MYBBP1A: variants seen among roughly 807,000 people sequenced by gnomAD.
MYBBP1A encodes myb-binding protein 1A.
In MYBBP1A, 147 loss-of-function variants were observed where a neutral mutation model predicts 136.3. That is an observed-to-expected ratio of 1.08 (90% CI 0.94 to 1.24). The LOEUF (loss-of-function observed/expected upper bound fraction) is 1.24. Among genes scored for constraint, MYBBP1A ranks in the 50% most tolerant of loss-of-function variants. MYBBP1A has a pLI of 0.00. For synonymous variants in MYBBP1A, 947 were observed against 735.8 expected, an observed-to-expected ratio of 1.29 and a Z score of -4.65; for missense variants, 2,060 against 1,727.4, an observed-to-expected ratio of 1.19 and a Z score of -3.41.
Position 4,548,827 on chromosome 17 carries a change from G to A in MYBBP1A, c.1431-178C>T, listed in dbSNP as rs1227246797. ...GCTGGAGGGGGCTGGGCTGGGCTAG[G>A]ATGGGAAGGGGCCGTTTCTCTGCTC... On this transcript the variant is annotated intron_variant, in intron 10 of 25. Transcript: ENST00000254718. This position sits in a 1 kb window ranked among gnomAD's most constrained non-coding sequence, Gnocchi z 4.2. Among the ~76,000 whole-genome samples, 2 of 152,214 alleles carry A rather than the reference G, an allele frequency of 1.3e-5. No homozygotes were observed. The highest frequency in any genetic ancestry group is 2.9e-5 in the Non-Finnish European group (2 of 68,030).
Position 4,539,529 on chromosome 17 carries a change from T to C in MYBBP1A, c.3873A>G (p.Pro1291=), listed in dbSNP as rs1443710978. Reference sequence around the variant, plus strand: ...CCTTTTTCCGTGCCAGCGCGGACAGTGGTGATTTGCCCAAGACCCCCTTTT... The same window carrying C: ...CCTTTTTCCGTGCCAGCGCGGACAGCGGTGATTTGCCCAAGACCCCCTTTT... ...LPKKGVLGKS[P]LSALARKKAR... Residue 1291 remains proline (P), a synonymous_variant, in exon 26 of 26, where the codon CCA becomes CCG. Coordinates refer to ENST00000254718, the MANE Select transcript of MYBBP1A (RefSeq NM_014520.4). The C allele has an allele frequency of 6.2e-7, 1 of 1,614,032 alleles. No homozygotes were observed. The highest frequency in any genetic ancestry group is 1.3e-5 in the African/African-American group (1 of 74,968).
At chr17:4,549,304 GA>G in intron 10 of MYBBP1A, 27 bp downstream of exon 10, 1 of 1,599,404 alleles carries the variant, frequency 6.3e-7, no homozygotes, top group Non-Finnish European at 8.5e-7. Flanking sequence ...ACGCCCATGG[GA>G]AGCTGGGAAT....
At chr17:4,542,422 A>G in intron 22 of MYBBP1A, 42 bp downstream of exon 22, 1 of 1,568,236 alleles carries the variant, frequency 6.4e-7, no homozygotes, top group Non-Finnish European at 8.7e-7. Flanking sequence ...TAAGCGGGTT[A>G]ATTCAGACAG....
chr17:4,552,511 G>A lies in MYBBP1A; in HGVS notation c.677C>T (p.Pro226Leu), dbSNP rs565196840. ...TCCCACCAGCTTCTTGAGCTTGGAG[G>A]GCACCTTCTGCTGGGCCAGGAGGAA... ...ELFLLAQQKV[P>L]SKLKKLVGSV... is the part of the protein sequence containing the mutation. Residue 226 changes from proline to leucine, a missense_variant, in exon 6 of 26, where the codon CCC becomes CTC. Coordinates refer to ENST00000254718, the MANE Select transcript of MYBBP1A (RefSeq NM_014520.4). This position sits in a 1 kb window ranked among gnomAD's most constrained non-coding sequence, Gnocchi z 4.7. The A allele has an allele frequency of 2.0e-5, 32 of 1,613,918 alleles. No individual in the cohort carries two copies. The highest frequency in any genetic ancestry group is 2.3e-5 in the Non-Finnish European group (27 of 1,180,034).
At chr17:4,543,974 G>A (rs769567406) in intron 19 of MYBBP1A, among the ~76,000 whole-genome samples, 2 of 152,198 alleles carry the variant, frequency 1.3e-5, no homozygotes, top group South Asian at 2.1e-4. Flanking sequence ...GGGGTCTGTG[G>A]CCTCGCTGCT....
intron 19 of MYBBP1A, 130 bp from the exon 20 acceptor site, chr17:4,543,295 C>CG: frequency 7.6e-7 from 1 of 1,316,110 alleles, no homozygotes; most frequent in Non-Finnish European, 1.0e-6. Flanking sequence ...CGACCCAGGC[C>CG]ACAGAGGAGG....
intron 19 of MYBBP1A, chr17:4,543,405 G>A (rs190741149): frequency 5.4e-6 from 3 of 552,136 alleles, no homozygotes; most frequent in African/African-American, 1.9e-5. Context: ...CCTGAGTGGA[G>A]GCTGCACCAA....
At chr17:4,545,966 C>A (rs569877000) in intron 13 of MYBBP1A, 24 bp from the exon 14 acceptor site, 2 of 1,605,292 alleles carry the variant, frequency 1.2e-6, no homozygotes, top group Non-Finnish European at 1.7e-6. Flanking sequence ...AGGACACACA[C>A]TGGGGCCAGG....
At position 4,545,922 on chromosome 17, in the gene MYBBP1A, G is replaced by C; in HGVS notation, c.1845C>G (p.Asp615Glu). ...TGCAGGTCTGGATGTCACCCAGCAG[G>C]TCACAGCTCTCTGCAGGGGACTGCG... ...HLLKSPAESC[D>E]LLGDIQTCIR... Residue 615 changes from aspartate to glutamate, a missense_variant, in exon 14 of 26, where the codon GAC becomes GAG. Asp to Glu is a conservative substitution (Grantham distance 45, BLOSUM62 2). Transcript: ENST00000254718. 1 of 1,613,296 alleles carries C rather than the reference G, an allele frequency of 6.2e-7. No homozygotes were observed.
chr17:4,552,156 C>T lies in MYBBP1A; in HGVS notation c.874G>A (p.Gly292Arg). 1 of 1,614,228 alleles carries T rather than the reference C, an allele frequency of 6.2e-7. No homozygotes were observed. Among genetic ancestry groups the T allele is most frequent in the Non-Finnish European group, 8.5e-7 (1 of 1,180,026 alleles). ...PRFWKEVVEQ[G>R]LLKMQFWPAS... ...GGCCAGAACTGCATCTTCAGCAGCC[C>T]TTGTTCCACCACCTCCTTCCAGAAC... The change falls in exon 7 of 26, where the codon GGG becomes AGG. Residue 292 changes from glycine to arginine, a missense_variant. Transcript: ENST00000254718. The surrounding 1 kb of genome is among the most constrained non-coding windows in gnomAD (Gnocchi z 4.7).
In MYBBP1A at chr17:4,554,880, T is replaced by C. The variant is rs865822683; in HGVS notation, c.275A>G (p.Tyr92Cys). 3 of 1,613,538 alleles carry C rather than the reference T, an allele frequency of 1.9e-6. No individual in the cohort carries two copies. Among genetic ancestry groups the C allele is most frequent in the Non-Finnish European group, 1.7e-6 (2 of 1,180,008 alleles). The stretch of plus-strand genomic sequence containing the variant: ...CCTCACCTGTGCCAGGGCCAAACTG[T>C]AGCAGGGCCGGGCTGTTTCTCGCCC... ...GVGRETARPCYSLALAQLLQS... is the reference protein window; with the variant it reads ...GVGRETARPCCSLALAQLLQS... Residue 92 changes from tyrosine (Y) to cysteine (C), a missense_variant, in exon 2 of 26, where the codon TAC (tyrosine) becomes TGC (cysteine). Physicochemically the swap from Tyr to Cys is radical, Grantham distance 194 (BLOSUM62 -2). Transcript: ENST00000254718.
chr17:4,542,436 C>A, intron 22 of MYBBP1A, 28 bp downstream of exon 22: 1 of 1,591,198 alleles, frequency 6.3e-7, no homozygotes, highest in East Asian at 2.2e-5. Flanking sequence ...CAGACAGGCC[C>A]TGGGCTGGGA....
chr17:4,548,138 C>T lies in MYBBP1A; in HGVS notation c.1724+5G>A. The T allele has an allele frequency of 6.2e-7, 1 of 1,604,658 alleles. No homozygotes were observed. Among genetic ancestry groups the T allele is most frequent in the Non-Finnish European group, 8.5e-7 (1 of 1,179,886 alleles). On this transcript the variant is annotated splice_donor_5th_base_variant and intron_variant, in intron 12 of 25. Coordinates refer to ENST00000254718, the MANE Select transcript of MYBBP1A (RefSeq NM_014520.4). This position sits in a 1 kb window ranked among gnomAD's most constrained non-coding sequence, Gnocchi z 4.2. ...GCCCACCCCCTGGAAATCCCACGTG[C>T]TCACCGGTCCCAGGCCTGGCGCTGC...
In MYBBP1A at chr17:4,552,367, C is replaced by G. The variant is rs1907600735; in HGVS notation, c.738-75G>C. On this transcript the variant is annotated intron_variant, in intron 6 of 25. Transcript: ENST00000254718. This position sits in a 1 kb window ranked among gnomAD's most constrained non-coding sequence, Gnocchi z 4.7. ...AGGGTGACAAGAGCAGCCGGGACAC[C>G]CCCAGGCCAAACGACAAATCTGGGC... The G allele has an allele frequency of 1.2e-6, 2 of 1,603,578 alleles. No individual in the cohort carries two copies. Among genetic ancestry groups the G allele is most frequent in the Non-Finnish European group, 1.7e-6 (2 of 1,175,420 alleles).
chr17:4,543,978 C>T (rs550499686), intron 19 of MYBBP1A, among the ~76,000 whole-genome samples: 18 of 152,304 alleles, frequency 1.2e-4, no homozygotes, highest in Middle Eastern at 3.4e-3. Context: ...TCTGTGGCCT[C>T]GCTGCTTGCC....
chr17:4,542,285 G>A, intron 22 of MYBBP1A, 179 bp downstream of exon 22: 1 of 694,606 alleles, frequency 1.4e-6, no homozygotes, highest in Admixed American at 3.0e-5. Context: ...GTGTGGCAGG[G>A]GCCAGGGCAC....
Position 4,545,732 on chromosome 17 carries a change from G to C in MYBBP1A, c.1951C>G (p.Leu651Val). ...DPQEPPWVEV[L>V]VEILLALLAQ... is the part of the protein sequence containing the mutation. ...AACAGGGCCAGCAAGATCTCCACCA[G>C]CACCTCTACCCACGGGGGTTCCTGG... The change falls in exon 15 of 26, where the codon CTG becomes GTG. Residue 651 changes from leucine to valine, a missense_variant. By Grantham distance (32) the Leu-to-Val change is conservative. Transcript: ENST00000254718. 3 of 1,609,066 alleles carry C rather than the reference G, an allele frequency of 1.9e-6. 1 individual carries two copies. Among genetic ancestry groups the C allele is most frequent in the African/African-American group, 1.3e-5 (1 of 75,018 alleles).
Position 4,552,152 on chromosome 17 carries a change from A to T in MYBBP1A, c.878T>A (p.Leu293Gln), listed in dbSNP as rs1162538098. The change falls in exon 7 of 26, where the codon CTG (leucine) becomes CAG (glutamine). Residue 293 changes from leucine (L) to glutamine (Q), a missense_variant. By Grantham distance (113) the Leu-to-Gln change is moderately radical. Transcript: ENST00000254718. The surrounding 1 kb of genome is among the most constrained non-coding windows in gnomAD (Gnocchi z 4.7). Reference sequence around the variant, plus strand: ...GGCTGGCCAGAACTGCATCTTCAGCAGCCCTTGTTCCACCACCTCCTTCCA... The same window carrying T: ...GGCTGGCCAGAACTGCATCTTCAGCTGCCCTTGTTCCACCACCTCCTTCCA... ...RFWKEVVEQG[L>Q]LKMQFWPASY... is the part of the protein sequence containing the mutation. 3.7e-6 allele frequency: 6 copies of T among 1,614,068 alleles called. No homozygotes were observed.
chr17:4,549,301 TG>T lies in MYBBP1A; in HGVS notation c.1430+30del, dbSNP rs1567611124. On this transcript the variant is annotated intron_variant, in intron 10 of 25. Transcript: ENST00000254718. ...GCCCCATTCCTTGGCCACACGCCCA[TG>T]GGAAGCTGGGAATCCAGCACAGCTC... is the stretch of plus-strand genomic sequence containing the variant. 5 of 1,597,702 alleles carry T rather than the reference TG, an allele frequency of 3.1e-6. No individual in the cohort carries two copies. The South Asian group carries it at 5.5e-5, about 18-fold the overall frequency.
Sources: allele counts gnomAD v4.1 joint callset (sites outside exome capture counted in the v4.1 genomes callset), GRCh38; gene constraint gnomAD v4.1.1; non-coding constraint Gnocchi (gnomAD v3.1); transcripts MANE v1.5; gene names NCBI Gene and HGNC (gene_info 2026-07-23, HGNC 2026-07-21).